Variants in ABLIM1 observed in about 807,000 individuals in gnomAD.
The protein encoded by ABLIM1 is actin binding LIM protein 1.
A neutral mutation model predicts 107.0 loss-of-function variants in ABLIM1; 40 were observed. The observed-to-expected ratio is 0.37, with a 90% confidence interval of 0.29 to 0.49. ABLIM1 has a LOEUF of 0.49. Among genes scored for constraint, ABLIM1 ranks in the 20% least tolerant of loss-of-function variants. The probability of loss-of-function intolerance (pLI) is 0.97; values close to 1 mark genes in which losing one functional copy is unlikely to be tolerated. For missense variants in ABLIM1, 857 were observed against 1,008.5 expected, an observed-to-expected ratio of 0.85 and a Z score of 2.04; for synonymous variants, 357 against 357.3, an observed-to-expected ratio of 1.00 and a Z score of 0.01.
At chr10:114,737,380 CT>C (rs1202324333) in intron 1 of ABLIM1, among the ~76,000 whole-genome samples, 2 of 152,168 alleles carry the variant, frequency 1.3e-5, no homozygotes, top group African/African-American at 4.8e-5. Flanking sequence ...ATCTGGCCTG[CT>C]GAACTCAAGG....
At chr10:114,557,108 T>C (rs6585286) in intron 4 of ABLIM1, among the ~76,000 whole-genome samples, 1,944 of 152,034 alleles carry the variant, frequency 0.013, 50 homozygotes, top group African/African-American at 0.045. Context: ...GAAAAGGGGG[T>C]CTCAATACTA....
intron 1 of ABLIM1, among the ~76,000 whole-genome samples, chr10:114,703,453 C>T (rs921496424): frequency 6.6e-6 from 1 of 152,276 alleles, no homozygotes; most frequent in East Asian, 1.9e-4. Flanking sequence ...AGAGGTGAAG[C>T]AAATGGTAGG....
chr10:114,445,642 C>G (rs2060906710), intron 15 of ABLIM1, among the ~76,000 whole-genome samples: 1 of 152,196 alleles, frequency 6.6e-6, no homozygotes, highest in South Asian at 2.1e-4. Flanking sequence ...CAAGGAAGGC[C>G]TGAATTTAGG....
intron 22 of ABLIM1, 21 bp from the exon 23 acceptor site, chr10:114,436,394 A>AT (rs755521133): frequency 2.5e-6 from 4 of 1,578,688 alleles, no homozygotes; most frequent in African/African-American, 1.4e-5. Context: ...GAAAAAAAAA[A>AT]AAGAGCTGCT....
rs1164587300 is a variant in ABLIM1, at chr10:114,583,404, AACACACACACAC to A, written c.380-7817_380-7806del. Among the ~76,000 whole-genome samples, 161 of 71,184 alleles carry A rather than the reference AACACACACACAC, an allele frequency of 2.3e-3. 1 individual carries two copies. Among genetic ancestry groups the A allele is most frequent in the South Asian group, 0.012 (20 of 1,684 alleles). The allele number at this position is 71,184 out of a possible 152,430, so 46.7% of individuals were successfully genotyped here. On this transcript the variant is annotated intron_variant, in intron 2 of 22. Coordinates refer to ENST00000533213, the MANE Select transcript of ABLIM1 (RefSeq NM_002313.7). ...TGCTCCAAGGCTGTGGAGAAAAGGG[AACACACACACAC>A]ACACACACACACACACACACACACA...
chr10:114,775,485 T>C, the ABLIM1 span, among the ~76,000 whole-genome samples: 20 of 152,188 alleles, frequency 1.3e-4, no homozygotes, highest in African/African-American at 4.6e-4. Flanking sequence ...AGGCATATTT[T>C]AGAAAATGAC....
At chr10:114,512,218 G>A (rs1001982023) in intron 6 of ABLIM1, among the ~76,000 whole-genome samples, 2 of 152,178 alleles carry the variant, frequency 1.3e-5, no homozygotes, top group African/African-American at 2.4e-5. Flanking sequence ...CGTAAAAAGG[G>A]CTGAAATTAG....
At chr10:114,734,415 A>T (rs765727701) in intron 1 of ABLIM1, among the ~76,000 whole-genome samples, 20 of 152,034 alleles carry the variant, frequency 1.3e-4, no homozygotes, top group Non-Finnish European at 2.6e-4. Context: ...TTCCAACCTT[A>T]CTCCAATGAC....
intron 1 of ABLIM1, among the ~76,000 whole-genome samples, chr10:114,643,879 A>G (rs1161508596): frequency 6.6e-6 from 1 of 152,096 alleles, no homozygotes; most frequent in African/African-American, 2.4e-5. Flanking sequence ...CCTAGCCTAT[A>G]TCCAGATTCT....
In ABLIM1 at chr10:114,716,648, C is replaced by T. The variant is rs2081671671; in HGVS notation, c.-213+51413G>A. ...ATCAGTACACTTTTCAAGTTAGAAT[C>T]ATCTGGTCTAAATAATACCACCAAA... On this transcript the variant is annotated intron_variant, in intron 1 of 15. Transcript: ENST00000651092. 2.6e-5 allele frequency among the ~76,000 whole-genome samples: 4 copies of T among 152,084 alleles called. No individual in the cohort carries two copies. In the South Asian group the frequency reaches 8.3e-4, roughly 32 times the overall value.
chr10:114,606,892 C>T (rs1320857799), intron 1 of ABLIM1, among the ~76,000 whole-genome samples: 1 of 152,156 alleles, frequency 6.6e-6, no homozygotes, highest in Admixed American at 6.5e-5. Flanking sequence ...CCTCTTTATA[C>T]CAGAATAATC....
chr10:114,700,902 A>G (rs1354499905), intron 1 of ABLIM1, among the ~76,000 whole-genome samples: 1 of 152,146 alleles, frequency 6.6e-6, no homozygotes, highest in East Asian at 1.9e-4. Context: ...ATAGGATAAT[A>G]AAATCACAAA....
Position 114,448,652 on chromosome 10 carries a change from C to T in ABLIM1, c.1595-632G>A, listed in dbSNP as rs550484097. ...TATTTGAGACAGAGTCTCACTCTGT[C>T]GCCCAGGCTGGAGTGCAGTGGTACA... On this transcript the variant is annotated intron_variant, in intron 14 of 22. Coordinates refer to ENST00000533213, the MANE Select transcript of ABLIM1 (RefSeq NM_002313.7). Among the ~76,000 whole-genome samples the T allele has an allele frequency of 3.3e-3, 475 of 146,062 alleles. 2 individuals are homozygous for T. Among genetic ancestry groups the T allele is most frequent in the Non-Finnish European group, 5.3e-3 (361 of 67,928 alleles).
Position 114,616,836 on chromosome 10 carries a change from T to C in ABLIM1, c.245-14875A>G, listed in dbSNP as rs911205693. Among the ~76,000 whole-genome samples the C allele has an allele frequency of 3.3e-5, 5 of 152,238 alleles. No individual in the cohort carries two copies. The East Asian group carries it at 9.6e-4, about 29-fold the overall frequency. On this transcript the variant is annotated intron_variant, in intron 1 of 22. Coordinates refer to ENST00000533213, the MANE Select transcript of ABLIM1 (RefSeq NM_002313.7). ...GGAGGCAATGGGTGACCAGGCGTTG[T>C]TTTAAATGCTTTATGTGGATTAATT...
intron 4 of ABLIM1, among the ~76,000 whole-genome samples, chr10:114,562,089 G>A (rs1351858867): frequency 1.3e-5 from 2 of 152,122 alleles, no homozygotes; most frequent in African/African-American, 4.8e-5. Flanking sequence ...TCAATATCCA[G>A]TAGAGCAACA....
chr10:114,600,368 A>G (rs899135855), intron 2 of ABLIM1, among the ~76,000 whole-genome samples: 2 of 152,154 alleles, frequency 1.3e-5, no homozygotes, highest in Non-Finnish European at 2.9e-5. Context: ...TGCGCTGAGC[A>G]TTGAGCTCAT....
At chr10:114,792,173 C>T in the ABLIM1 span, among the ~76,000 whole-genome samples, 1 of 152,246 alleles carries the variant, frequency 6.6e-6, no homozygotes, top group African/African-American at 2.4e-5. Context: ...AGACAAAAAT[C>T]AGCTGGGTGT....
chr10:114,471,324 T>C (rs1420469784), intron 10 of ABLIM1, among the ~76,000 whole-genome samples: 1 of 152,014 alleles, frequency 6.6e-6, no homozygotes, highest in Non-Finnish European at 1.5e-5. Flanking sequence ...GAACCCCAAA[T>C]CCTTAACACC....
chr10:114,797,126 C>G, the ABLIM1 span, among the ~76,000 whole-genome samples: 3 of 152,206 alleles, frequency 2.0e-5, no homozygotes, highest in East Asian at 5.8e-4. Context: ...CAACTATTCC[C>G]AAGAGATGGG....
Sources: allele counts gnomAD v4.1 joint callset (sites outside exome capture counted in the v4.1 genomes callset), GRCh38; gene constraint gnomAD v4.1.1; transcripts MANE v1.5; gene names NCBI Gene and HGNC (gene_info 2026-07-23, HGNC 2026-07-21).